Variants in TRIP12 observed in about 807,000 individuals in gnomAD.
TRIP12 encodes the protein E3 ubiquitin-protein ligase TRIP12.
TRIP12 carries 25 observed loss-of-function variants against 244.2 expected under a neutral mutation model. The observed-to-expected ratio is 0.10, with a 90% CI of 0.07 to 0.14. The LOEUF (loss-of-function observed/expected upper bound fraction) is 0.14. Ranked by LOEUF, TRIP12 falls within the 10% of genes least tolerant of loss-of-function variation. The pLI, the probability that TRIP12 is intolerant of heterozygous loss-of-function variation, is 1.00. For missense variants in TRIP12, 1,677 were observed against 2,486.4 expected, an observed-to-expected ratio of 0.67 and a Z score of 6.92; for synonymous variants, 905 against 873.1, an observed-to-expected ratio of 1.04 and a Z score of -0.64.
At chr2:229,842,563 CATT>C (rs1337995761) in intron 4 of TRIP12, among the ~76,000 whole-genome samples, 2 of 152,030 alleles carry the variant, frequency 1.3e-5, no homozygotes, top group Admixed American at 1.3e-4. Flanking sequence ...TGCAAATTTA[CATT>C]ATATTAAAAC....
At chr2:229,792,857 G>T in intron 27 of TRIP12, 116 bp downstream of exon 27, 2 of 1,095,224 alleles carry the variant, frequency 1.8e-6, no homozygotes, top group Non-Finnish European at 2.5e-6. Flanking sequence ...ATAAGTTCCT[G>T]CCATCTATTT....
intron 18 of TRIP12, 26 bp from the exon 19 acceptor site, chr2:229,804,253 T>C (rs747581568): frequency 2.6e-6 from 4 of 1,555,744 alleles, no homozygotes; most frequent in Non-Finnish European, 3.5e-6. Flanking sequence ...AAAATATATG[T>C]GCAATCCTGA....
chr2:229,870,159 C>T (rs1054116324), intron 2 of TRIP12, among the ~76,000 whole-genome samples: 3 of 152,306 alleles, frequency 2.0e-5, no homozygotes, highest in South Asian at 2.1e-4. Flanking sequence ...GGAAGCCATT[C>T]CACAAGACTA....
intron 2 of TRIP12, among the ~76,000 whole-genome samples, chr2:229,866,144 A>G (rs2061476587): frequency 6.6e-6 from 1 of 152,220 alleles, no homozygotes; most frequent in Non-Finnish European, 1.5e-5. Context: ...AAGCCCTGAC[A>G]GTGTGGCAGT....
intron 5 of TRIP12, among the ~76,000 whole-genome samples, chr2:229,838,708 A>G (rs1189421172): frequency 1.3e-5 from 2 of 152,242 alleles, no homozygotes. Context: ...GGCCCAAAAT[A>G]GGACAAAAAC....
chr2:229,865,082 G>T (rs946228257), intron 2 of TRIP12, among the ~76,000 whole-genome samples: 1 of 152,064 alleles, frequency 6.6e-6, no homozygotes, highest in Non-Finnish European at 1.5e-5. Context: ...TTGAAAGCAG[G>T]TGGATTGCTT....
chr2:229,850,046 G>A (rs2058365761), intron 4 of TRIP12, among the ~76,000 whole-genome samples: 2 of 151,942 alleles, frequency 1.3e-5, no homozygotes, highest in Admixed American at 6.6e-5. Flanking sequence ...ACATATATCA[G>A]AATCAGAAGT....
At chr2:229,809,925 A>G (rs1254556035) in intron 15 of TRIP12, among the ~76,000 whole-genome samples, 2 of 152,256 alleles carry the variant, frequency 1.3e-5, no homozygotes, top group African/African-American at 4.8e-5. Flanking sequence ...GACCACTCAG[A>G]CAGAGTGGGA....
At chr2:229,851,144 G>T (rs546884157) in intron 4 of TRIP12, among the ~76,000 whole-genome samples, 2 of 152,222 alleles carry the variant, frequency 1.3e-5, no homozygotes, top group Non-Finnish European at 2.9e-5. Flanking sequence ...GTGCAGCCCC[G>T]GTGCAGGATC....
rs191207646 is a variant in TRIP12 at position 229,810,283 on chromosome 2, T to G, written c.2221+597A>C. ...TCTGACATCAACTTAAGTCTAAGGA[T>G]TGAGAGAGGAATGGTCAACTGCAAG... is the stretch of plus-strand genomic sequence containing the variant. On this transcript the variant is annotated intron_variant, in intron 15 of 41. Transcript: ENST00000675903. Among the ~76,000 whole-genome samples, 5 of 152,330 alleles carry G rather than the reference T, an allele frequency of 3.3e-5. No individual in the cohort carries two copies. In the East Asian group the frequency reaches 9.6e-4, roughly 29 times the overall value.
At chr2:229,774,297 C>A in intron 37 of TRIP12, 36 bp from the exon 38 acceptor site, 1 of 1,573,462 alleles carries the variant, frequency 6.4e-7, no homozygotes, top group Non-Finnish European at 8.6e-7. Flanking sequence ...TGGTGTCAAG[C>A]AAAATTAACT....
chr2:229,802,738 T>C (rs2044708912), intron 20 of TRIP12, among the ~76,000 whole-genome samples: 1 of 152,186 alleles, frequency 6.6e-6, no homozygotes, highest in Non-Finnish European at 1.5e-5. Context: ...CAAAGTCCTA[T>C]TCAGAGTTCA....
chr2:229,851,566 G>A (rs918368131), intron 4 of TRIP12, among the ~76,000 whole-genome samples: 1 of 152,138 alleles, frequency 6.6e-6, no homozygotes, highest in Admixed American at 6.5e-5. Flanking sequence ...CTTCCACACT[G>A]GAAGCTTTGT....
rs1376732242 is a variant in TRIP12, at chr2:229,805,740, A to G, written c.2640T>C (p.Asn880=). 6.3e-7 allele frequency: 1 copy of G among 1,594,602 alleles called. No individual in the cohort carries two copies. Among genetic ancestry groups the G allele is most frequent in the African/African-American group, 1.3e-5 (1 of 74,796 alleles). The change falls in exon 18 of 42, where the codon AAT becomes AAC. Residue 880 remains asparagine, a synonymous_variant. Transcript: ENST00000675903. The stretch of plus-strand genomic sequence containing the variant: ...TCAGAATGTACTTACTAGTGTTACT[A>G]TTGGCTAACGGGTTAGGTTTTCTCT... The part of the protein sequence containing the change: ...AIQRKPNPLA[N]SNTSGYSESK...
Position 229,795,171 on chromosome 2 carries a change from G to A in TRIP12, c.3968+8C>T, listed in dbSNP as rs377296871. 46 of 1,612,974 alleles carry A rather than the reference G, an allele frequency of 2.9e-5. No homozygotes were observed. The highest frequency in any genetic ancestry group is 3.8e-5 in the Non-Finnish European group (45 of 1,179,540). Reference sequence around the variant, plus strand: ...GTGGCAAGGGTATAGCCAGGCAATGGTCCTTACCTGCCTCCTGTCCCATTT... The same window carrying A: ...GTGGCAAGGGTATAGCCAGGCAATGATCCTTACCTGCCTCCTGTCCCATTT... On this transcript the variant is annotated splice_region_variant and intron_variant, in intron 26 of 41. Transcript: ENST00000675903.
intron 4 of TRIP12, among the ~76,000 whole-genome samples, chr2:229,844,855 C>A (rs957756863): frequency 1.3e-5 from 2 of 152,108 alleles, no homozygotes; most frequent in African/African-American, 4.8e-5. Context: ...TACAGAAACC[C>A]TTTTTCTGAG....
chr2:229,905,520 T>C (rs1171268149), intron 1 of TRIP12, among the ~76,000 whole-genome samples: 2 of 152,064 alleles, frequency 1.3e-5, no homozygotes, highest in Non-Finnish European at 2.9e-5. Flanking sequence ...CTTAAAACAG[T>C]TTTCAGACAC....
chr2:229,811,328 C>T (rs565632831), intron 13 of TRIP12, 124 bp from the exon 14 acceptor site: 3 of 1,001,130 alleles, frequency 3.0e-6, no homozygotes, highest in Non-Finnish European at 4.4e-6. Context: ...TAAATGACAG[C>T]TTTGAAAATG....
At chr2:229,797,117 A>G (rs2154264620) in intron 24 of TRIP12, among the ~76,000 whole-genome samples, 1 of 152,332 alleles carries the variant, frequency 6.6e-6, no homozygotes, top group Admixed American at 6.5e-5. Context: ...TGGAAAGATG[A>G]ATCAAGAATA....
Sources: allele counts gnomAD v4.1 joint callset (sites outside exome capture counted in the v4.1 genomes callset), GRCh38; gene constraint gnomAD v4.1.1; transcripts MANE v1.5; gene names NCBI Gene and HGNC (gene_info 2026-07-23, HGNC 2026-07-21).